Variants in SYNJ2 observed in about 807,000 individuals in gnomAD.
The protein encoded by SYNJ2 is synaptojanin 2.
In SYNJ2, 116 loss-of-function variants were observed where a neutral mutation model predicts 141.3. That is an observed-to-expected ratio of 0.82 (90% confidence interval 0.71 to 0.96). The LOEUF is 0.96. SYNJ2 is among the 40% of genes least tolerant of loss of function. SYNJ2 has a pLI of 0.00. For synonymous variants in SYNJ2, 745 were observed against 777.7 expected (o/e 0.96, Z 0.70); for missense variants, 1,873 against 1,934.8 (o/e 0.97, Z 0.60).
intron 1 of SYNJ2, among the ~76,000 whole-genome samples, chr6:157,993,713 T>C (rs1017186141): frequency 2.1e-5 from 3 of 145,128 alleles, no homozygotes; most frequent in African/African-American, 7.7e-5. Context: ...TGCATAGCTT[T>C]TTTTTTTTTT....
intron 5 of SYNJ2, among the ~76,000 whole-genome samples, chr6:158,047,774 CAAAAAAAAAA>C (rs58147972): frequency 3.6e-3 from 115 of 32,386 alleles, no homozygotes; most frequent in East Asian, 4.5e-3. Context: ...GCGACTCTGT[CAAAAAAAAAA>C]AAAAAAAAAA....
intron 6 of SYNJ2, among the ~76,000 whole-genome samples, chr6:158,057,404 A>G (rs1780934443): frequency 6.6e-6 from 1 of 152,098 alleles, no homozygotes; most frequent in African/African-American, 2.4e-5. Flanking sequence ...AATAACGAGC[A>G]TTTTACAATA....
At chr6:158,044,445 T>C (rs1414398086) in intron 5 of SYNJ2, among the ~76,000 whole-genome samples, 1 of 152,078 alleles carries the variant, frequency 6.6e-6, no homozygotes, top group East Asian at 1.9e-4. Flanking sequence ...GGCTCCACGC[T>C]CTGGTAGGGA....
chr6:158,012,384 T>C (rs1778299914), intron 1 of SYNJ2, among the ~76,000 whole-genome samples: 1 of 151,906 alleles, frequency 6.6e-6, no homozygotes, highest in South Asian at 2.1e-4. Context: ...CCTTAAAAGC[T>C]GGAAGAGGGA....
chr6:157,986,577 G>T (rs938329868), intron 1 of SYNJ2, among the ~76,000 whole-genome samples: 5 of 151,706 alleles, frequency 3.3e-5, no homozygotes, highest in Admixed American at 1.3e-4. Context: ...CAAATGATCC[G>T]CCCACCTCAG....
At chr6:158,057,198 C>T (rs1780919175) in intron 6 of SYNJ2, among the ~76,000 whole-genome samples, 1 of 152,140 alleles carries the variant, frequency 6.6e-6, no homozygotes, top group South Asian at 2.1e-4. Context: ...TTCCAAGTAG[C>T]TTCCTATGAC....
chr6:158,005,206 T>C (rs1487283610), intron 1 of SYNJ2, among the ~76,000 whole-genome samples: 1 of 151,982 alleles, frequency 6.6e-6, no homozygotes, highest in Non-Finnish European at 1.5e-5. Flanking sequence ...GCCTCCCTAG[T>C]AGCTGGGACT....
In SYNJ2 at chr6:158,071,119, G is replaced by A. The variant is rs1781892925; in HGVS notation, c.1941-483G>A. Among the ~76,000 whole-genome samples, 1 of 152,184 alleles carries A rather than the reference G, an allele frequency of 6.6e-6. No homozygotes were observed. The highest frequency in any genetic ancestry group is 2.4e-5 in the African/African-American group (1 of 41,420). On this transcript the variant is annotated intron_variant, in intron 14 of 26. Coordinates refer to ENST00000355585, the MANE Select transcript of SYNJ2 (RefSeq NM_003898.4). The surrounding 1 kb of genome is among the most constrained non-coding windows in gnomAD (Gnocchi z 4.3). ...AATTGCTTGAACCTGGGAGGCCACA[G>A]TTGCAGTGAGCTGAGATCACGCTGC... is the stretch of plus-strand genomic sequence containing the variant.
Position 158,069,578 on chromosome 6 carries a change from C to T in SYNJ2, c.1845C>T (p.Ile615=). 6.2e-7 allele frequency: 1 copy of T among 1,614,074 alleles called. No individual in the cohort carries two copies. Among genetic ancestry groups the T allele is most frequent in the Non-Finnish European group, 8.5e-7 (1 of 1,179,932 alleles). Residue 615 remains isoleucine (I), a synonymous_variant, in exon 14 of 27, where the codon ATC becomes ATT. Transcript: ENST00000355585. ...KMWGEQLQKA[I]SRSHRYILLT... ...GGGGTGAACAGCTTCAGAAAGCCAT[C>T]TCACGCTCTCATAGATACATTCTGT...
intron 7 of SYNJ2, among the ~76,000 whole-genome samples, chr6:158,060,485 G>A (rs1313226472): frequency 6.6e-6 from 1 of 152,220 alleles, no homozygotes. Context: ...TACAGAGAGA[G>A]CTCGAAGTCG....
chr6:157,992,705 G>A (rs1257515515), intron 1 of SYNJ2, among the ~76,000 whole-genome samples: 5 of 151,510 alleles, frequency 3.3e-5, no homozygotes, highest in Non-Finnish European at 5.9e-5. Flanking sequence ...ACTGCACTCG[G>A]CTGGCTGGCT....
chr6:158,070,902 G>C lies in SYNJ2; in HGVS notation c.1941-700G>C, dbSNP rs1781879540. 6.6e-6 allele frequency among the ~76,000 whole-genome samples: 1 copy of C among 152,210 alleles called. No homozygotes were observed. Among genetic ancestry groups the C allele is most frequent in the African/African-American group, 2.4e-5 (1 of 41,450 alleles). On this transcript the variant is annotated intron_variant, in intron 14 of 26. Transcript: ENST00000355585. This position sits in a 1 kb window ranked among gnomAD's most constrained non-coding sequence, Gnocchi z 4.0. ...TCCTAGCTCTTAAAGTGCATTGATT[G>C]CTGGGCACGGTGTCTCACGCCTGTA... is the stretch of plus-strand genomic sequence containing the variant.
rs61529071 is a variant in SYNJ2 at position 157,993,797 on chromosome 6, G to GTTTTTTTTT, written c.127+11736_127+11744dup. Among the ~76,000 whole-genome samples the GTTTTTTTTT allele has an allele frequency of 8.3e-5, 4 of 47,944 alleles. 1 individual carries two copies. Among genetic ancestry groups the GTTTTTTTTT allele is most frequent in the Admixed American group, 3.9e-4 (1 of 2,560 alleles). 31.5% of individuals were successfully genotyped at this position (47,944 alleles called of 152,430 possible). A position where few individuals can be genotyped will look rare whatever the true frequency, so the allele number is the denominator to read the frequency against. ...AGTTTGTGTGTCTGGAAATGTGTGGGTTTTTTTTTTTTTTTTTTTTTTTTT... is the reference window on the plus strand; with the variant it reads ...AGTTTGTGTGTCTGGAAATGTGTGGGTTTTTTTTTTTTTTTTTTTTTTTTTTTTTTTTTT... On this transcript the variant is annotated intron_variant, in intron 1 of 26. Coordinates refer to ENST00000355585, the MANE Select transcript of SYNJ2 (RefSeq NM_003898.4).
In SYNJ2 at chr6:157,997,265, C is replaced by T. The variant is rs543287932; in HGVS notation, c.127+15177C>T. On this transcript the variant is annotated intron_variant, in intron 1 of 26. Transcript: ENST00000355585. ...AGAAAAATACATTGCTGTCCTAACCCGGGATACCTTGCAATCTTATTTGGA... is the reference window on the plus strand; with the variant it reads ...AGAAAAATACATTGCTGTCCTAACCTGGGATACCTTGCAATCTTATTTGGA... Among the ~76,000 whole-genome samples the T allele has an allele frequency of 2.6e-5, 4 of 152,266 alleles. No homozygotes were observed. The South Asian group carries it at 6.2e-4, about 24-fold the overall frequency.
intron 10 of SYNJ2, 25 bp downstream of exon 10, chr6:158,064,775 G>A: frequency 1.2e-6 from 2 of 1,612,198 alleles, no homozygotes; most frequent in Non-Finnish European, 8.5e-7. Context: ...AGGGGGCAGG[G>A]TGGGGGCCCC....
In SYNJ2 at chr6:158,092,934, G is replaced by A. The variant is rs267600876; in HGVS notation, c.3574G>A (p.Glu1192Lys). ...GTGGTTTTATGTTTCAGGTGCCTCC[G>A]AAGAAGCCCTAAGTGCCGTGGCCCC... is the stretch of plus-strand genomic sequence containing the variant. ...CLLEARGGAS[E>K]EALSAVAPRD... is the part of the protein sequence containing the mutation. Residue 1192 changes from glutamate to lysine, a missense_variant, in exon 26 of 27, where the codon GAA becomes AAA. Transcript: ENST00000355585. The A allele has an allele frequency of 8.8e-6, 14 of 1,583,428 alleles. No homozygotes were observed. The highest frequency in any genetic ancestry group is 8.0e-5 in the South Asian group (7 of 87,152).
At chr6:158,021,371 C>G (rs1778761638) in intron 2 of SYNJ2, among the ~76,000 whole-genome samples, 1 of 152,228 alleles carries the variant, frequency 6.6e-6, no homozygotes, top group Non-Finnish European at 1.5e-5. Flanking sequence ...TGCCTCATCT[C>G]TATGTTGCCT....
intron 25 of SYNJ2, among the ~76,000 whole-genome samples, chr6:158,091,898 T>C (rs1783481589): frequency 6.6e-6 from 1 of 152,066 alleles, no homozygotes; most frequent in African/African-American, 2.4e-5. Flanking sequence ...GGCAAATTCA[T>C]GGGGTCAGAA....
Position 157,982,233 on chromosome 6 carries a change from C to T in SYNJ2, c.127+145C>T. 1.8e-6 allele frequency: 2 copies of T among 1,118,802 alleles called. No homozygotes were observed. The highest frequency in any genetic ancestry group is 2.3e-6 in the Non-Finnish European group (2 of 881,220). 69.3% of individuals were successfully genotyped at this position (1,118,802 alleles called of 1,614,324 possible). A position where few individuals can be genotyped will look rare whatever the true frequency, so the allele number is the denominator to read the frequency against. On this transcript the variant is annotated intron_variant, in intron 1 of 26. Coordinates refer to ENST00000355585, the MANE Select transcript of SYNJ2 (RefSeq NM_003898.4). This position sits in a 1 kb window ranked among gnomAD's most constrained non-coding sequence, Gnocchi z 4.0. ...GTAGGGGTCGCGCGCAGAGGGGTGG[C>T]TGTTTGAATGAAGTGGGGCTGGGGA...
Sources: gnomAD v4.1 joint callset for allele counts (sites outside exome capture counted in the v4.1 genomes callset) on GRCh38, gnomAD v4.1.1 for gene constraint, Gnocchi (gnomAD v3.1) non-coding constraint, MANE v1.5 for transcripts, NCBI Gene and HGNC (gene_info 2026-07-23, HGNC 2026-07-21) for gene names.